FAF1: variants seen among roughly 807,000 people sequenced by gnomAD.
The protein encoded by FAF1 is Fas associated factor 1.
A neutral mutation model predicts 92.5 loss-of-function variants in FAF1; 25 were observed. That is an observed-to-expected ratio of 0.27 (90% CI 0.20 to 0.38). FAF1 has a LOEUF of 0.38. Ranked by LOEUF, FAF1 falls within the 10% of genes least tolerant of loss-of-function variation. The probability of loss-of-function intolerance (pLI) is 1.00; values close to 1 mark genes in which losing one functional copy is unlikely to be tolerated. For synonymous variants in FAF1, 234 were observed against 273.2 expected, an observed-to-expected ratio of 0.86 and a Z score of 1.42; for missense variants, 636 against 793.3, an observed-to-expected ratio of 0.80 and a Z score of 2.38.
intron 1 of FAF1, among the ~76,000 whole-genome samples, chr1:50,894,396 G>C (rs1288702217): frequency 6.6e-6 from 1 of 151,142 alleles, no homozygotes; most frequent in Admixed American, 6.6e-5. Context: ...CTTCAGGACA[G>C]TGGGCTCCCC....
At chr1:50,678,102 T>A (rs1400080358) in intron 7 of FAF1, among the ~76,000 whole-genome samples, 1 of 152,134 alleles carries the variant, frequency 6.6e-6, no homozygotes, top group East Asian at 1.9e-4. Flanking sequence ...CTTGCCCCAT[T>A]AATATATGCT....
intron 9 of FAF1, among the ~76,000 whole-genome samples, chr1:50,592,372 G>C (rs1651561658): frequency 6.6e-6 from 1 of 152,012 alleles, no homozygotes; most frequent in South Asian, 2.1e-4. Context: ...CCCCCACACT[G>C]TCTCACCCAA....
chr1:50,887,174 T>A (rs1438742843), intron 1 of FAF1, among the ~76,000 whole-genome samples: 1 of 152,236 alleles, frequency 6.6e-6, no homozygotes, highest in South Asian at 2.1e-4. Flanking sequence ...TGCATAAATG[T>A]CTTCTTTTGA....
chr1:50,478,455 G>T (rs1175670294), intron 17 of FAF1, among the ~76,000 whole-genome samples: 1 of 152,084 alleles, frequency 6.6e-6, no homozygotes, highest in Non-Finnish European at 1.5e-5. Context: ...GAACCACTGC[G>T]CCTGGCCACA....
chr1:50,773,723 GTC>G (rs1249411771), intron 4 of FAF1, among the ~76,000 whole-genome samples: 1 of 152,146 alleles, frequency 6.6e-6, no homozygotes, highest in Non-Finnish European at 1.5e-5. Flanking sequence ...CAATCAGAGG[GTC>G]TCTTTGATCA....
At chr1:50,454,054 T>C (rs1055579010) in intron 18 of FAF1, among the ~76,000 whole-genome samples, 1 of 152,258 alleles carries the variant, frequency 6.6e-6, no homozygotes, top group Non-Finnish European at 1.5e-5. Flanking sequence ...GGACCTGCTA[T>C]GAGCATCATC....
chr1:50,549,135 G>A (rs567542669), intron 13 of FAF1, among the ~76,000 whole-genome samples: 39 of 152,192 alleles, frequency 2.6e-4, no homozygotes, highest in Non-Finnish European at 4.7e-4. Context: ...GCTTGCCACT[G>A]TATTATACTG....
chr1:50,830,579 T>A (rs901884434), intron 2 of FAF1, among the ~76,000 whole-genome samples: 1 of 152,234 alleles, frequency 6.6e-6, no homozygotes, highest in Non-Finnish European at 1.5e-5. Context: ...CCAACCTATA[T>A]TTTGTAATCT....
chr1:50,789,787 C>T (rs1331800794), intron 3 of FAF1, among the ~76,000 whole-genome samples: 1 of 152,104 alleles, frequency 6.6e-6, no homozygotes, highest in Non-Finnish European at 1.5e-5. Flanking sequence ...GCGTATGAGG[C>T]CCTGTATGAT....
intron 2 of FAF1, chr1:50,846,629 A>T: frequency 1.9e-6 from 1 of 530,790 alleles, no homozygotes; most frequent in Non-Finnish European, 3.7e-6. Flanking sequence ...CTCCACCCAC[A>T]ATCAGTGGCA....
intron 7 of FAF1, among the ~76,000 whole-genome samples, chr1:50,683,161 T>TA (rs745958688): frequency 2.6e-4 from 39 of 151,610 alleles, no homozygotes; most frequent in Non-Finnish European, 3.2e-4. Flanking sequence ...AACAGTATTT[T>TA]AAAAAAAAAC....
At chr1:50,584,299 G>A (rs190733205) in intron 10 of FAF1, among the ~76,000 whole-genome samples, 5 of 152,074 alleles carry the variant, frequency 3.3e-5, no homozygotes, top group African/African-American at 4.8e-5. Context: ...GATGGGTACC[G>A]TTGAATAGAA....
chr1:50,733,231 A>G (rs1281724189), intron 6 of FAF1, among the ~76,000 whole-genome samples: 1 of 152,060 alleles, frequency 6.6e-6, no homozygotes, highest in Non-Finnish European at 1.5e-5. Flanking sequence ...TCTCATAACT[A>G]TTACCTATTT....
intron 4 of FAF1, 34 bp from the exon 5 acceptor site, chr1:50,744,809 C>T: frequency 8.1e-7 from 1 of 1,241,258 alleles, no homozygotes; most frequent in Non-Finnish European, 1.2e-6. Flanking sequence ...ATATTACTAA[C>T]AAAATAACAC....
intron 6 of FAF1, among the ~76,000 whole-genome samples, chr1:50,717,515 T>C (rs927796883): frequency 2.0e-5 from 3 of 152,202 alleles, no homozygotes; most frequent in Admixed American, 6.5e-5. Context: ...TATTTTGTTA[T>C]GGCAGCCCAA....
chr1:50,867,659 TAATCAA>T (rs1644493386), intron 1 of FAF1, among the ~76,000 whole-genome samples: 1 of 152,164 alleles, frequency 6.6e-6, no homozygotes, highest in African/African-American at 2.4e-5. Flanking sequence ...AGAATGGCCT[TAATCAA>T]AATCTAAAAA....
chr1:50,537,447 T>G (rs1648545012), intron 14 of FAF1, among the ~76,000 whole-genome samples: 1 of 152,208 alleles, frequency 6.6e-6, no homozygotes, highest in African/African-American at 2.4e-5. Context: ...CTCAAACTTT[T>G]TGGTCTCAGG....
chr1:50,888,436 G>A (rs1224781033), intron 1 of FAF1, among the ~76,000 whole-genome samples: 1 of 152,280 alleles, frequency 6.6e-6, no homozygotes, highest in East Asian at 1.9e-4. Flanking sequence ...GTGAGAGAGG[G>A]CATCCCTGTC....
intron 6 of FAF1, among the ~76,000 whole-genome samples, chr1:50,726,868 T>C (rs978869075): frequency 1.3e-5 from 2 of 152,146 alleles, no homozygotes; most frequent in Non-Finnish European, 2.9e-5. Context: ...ATAATTAAAA[T>C]GGAACTAGAC....
Sources: gnomAD v4.1 joint callset for allele counts (sites outside exome capture counted in the v4.1 genomes callset) on GRCh38, gnomAD v4.1.1 for gene constraint, MANE v1.5 for transcripts, NCBI Gene and HGNC (gene_info 2026-07-23, HGNC 2026-07-21) for gene names.